The following TP53BP2 variants were observed in gnomAD, a reference collection of about 807,000 sequenced individuals.
The protein encoded by TP53BP2 is apoptosis-stimulating of p53 protein 2.
A neutral mutation model predicts 126.2 loss-of-function variants in TP53BP2; 62 were observed. That is an observed-to-expected ratio of 0.49 (90% confidence interval 0.40 to 0.61). The LOEUF (loss-of-function observed/expected upper bound fraction) is 0.61. TP53BP2 is among the 20% of genes least tolerant of loss of function. The pLI, the probability that TP53BP2 is intolerant of heterozygous loss-of-function variation, is 0.00. For missense variants in TP53BP2, 1,215 were observed against 1,402.8 expected (o/e 0.87, Z 2.14); for synonymous variants, 485 against 502.9 (o/e 0.96, Z 0.48).
intron 11 of TP53BP2, among the ~76,000 whole-genome samples, chr1:223,799,645 C>T (rs1038276834): frequency 5.9e-5 from 9 of 152,168 alleles, no homozygotes; most frequent in African/African-American, 1.7e-4. Flanking sequence ...CAGTGTTCTT[C>T]GATGCACTTA....
rs1558095674 is a variant in TP53BP2, at chr1:223,802,909, A to G, written c.832-14T>C. On this transcript the variant is annotated splice_polypyrimidine_tract_variant and intron_variant, in intron 7 of 17. Transcript: ENST00000343537. The stretch of plus-strand genomic sequence containing the variant: ...TTTGTTTCTTAGCTGAATAAAAGAG[A>G]GGGGAAAAAAGGTAGCCAAGGAGTA... 1.2e-6 allele frequency: 2 copies of G among 1,613,578 alleles called. 1 individual carries two copies. The highest frequency in any genetic ancestry group is 2.2e-5 in the South Asian group (2 of 91,042).
In TP53BP2 at chr1:223,795,993, T is replaced by A. The variant is rs147947440; in HGVS notation, c.2546A>T (p.Asn849Ile). The change falls in exon 13 of 18, where the codon AAT (asparagine) becomes ATT (isoleucine). Residue 849 changes from asparagine to isoleucine, a missense_variant. Coordinates refer to ENST00000343537, the MANE Select transcript of TP53BP2 (RefSeq NM_001031685.3). The stretch of plus-strand genomic sequence containing the variant: ...TGGTTCTTCTGGGTTATTCTGGAGA[T>A]TTGGGCTGTTGTCTGGGACTCCCTC... ...EPEGVPDNSP[N>I]LQNNPEEPNP... The A allele has an allele frequency of 1.3e-4, 208 of 1,613,998 alleles. No homozygotes were observed. Among genetic ancestry groups the A allele is most frequent in the Admixed American group, 5.5e-4 (33 of 60,000 alleles).
intron 17 of TP53BP2, among the ~76,000 whole-genome samples, chr1:223,781,601 A>G (rs371479290): frequency 6.6e-6 from 1 of 152,248 alleles, no homozygotes; most frequent in African/African-American, 2.4e-5. Context: ...AAGAAAGTAG[A>G]AGCATAGGCT....
chr1:223,787,492 A>C (rs1662011161), intron 16 of TP53BP2, among the ~76,000 whole-genome samples: 1 of 152,102 alleles, frequency 6.6e-6, no homozygotes, highest in Non-Finnish European at 1.5e-5. Flanking sequence ...CACACCTGTA[A>C]TCTCAGCTCT....
At chr1:223,845,135 A>G (rs888630456) in intron 1 of TP53BP2, 20 of 575,006 alleles carry the variant, frequency 3.5e-5, no homozygotes, top group Non-Finnish European at 4.0e-5. Context: ...AACTTCCGAG[A>G]TTGCATTTAC....
At chr1:223,802,513 C>T in intron 8 of TP53BP2, 169 bp from the exon 9 acceptor site, 2 of 842,888 alleles carry the variant, frequency 2.4e-6, no homozygotes, top group Non-Finnish European at 3.6e-6. Flanking sequence ...AACTCTCACC[C>T]ACACTTTATT....
Position 223,780,669 on chromosome 1 carries a change from T to A in TP53BP2, c.*184A>T. ...CTGCTGACGTAGATGCTTTATTTCA[T>A]CACGCTAAATGTCCTCTAATGGTGA... On this transcript the variant is annotated 3_prime_UTR_variant, in exon 18 of 18. Transcript: ENST00000343537. The A allele has an allele frequency of 1.6e-6, 1 of 626,182 alleles. No homozygotes were observed. The highest frequency in any genetic ancestry group is 2.7e-6 in the Non-Finnish European group (1 of 365,550). The allele number at this position is 626,182 out of a possible 1,614,324, so 38.8% of individuals were successfully genotyped here.
At chr1:223,785,533 T>C (rs1460138139) in intron 16 of TP53BP2, among the ~76,000 whole-genome samples, 1 of 152,204 alleles carries the variant, frequency 6.6e-6, no homozygotes, top group Non-Finnish European at 1.5e-5. Flanking sequence ...CTGGATATTT[T>C]AGTATACTCA....
At chr1:223,845,295 G>A in intron 1 of TP53BP2, 1 of 979,646 alleles carries the variant, frequency 1.0e-6, no homozygotes, top group Non-Finnish European at 1.2e-6. Flanking sequence ...CAAAGAACAA[G>A]GTCCCCGGTT....
intron 12 of TP53BP2, among the ~76,000 whole-genome samples, chr1:223,797,735 A>G (rs989675632): frequency 2.0e-5 from 3 of 151,864 alleles, no homozygotes; most frequent in African/African-American, 7.2e-5. Flanking sequence ...AGACATATAG[A>G]CACAGACACA....
chr1:223,827,747 T>C (rs895804835), intron 1 of TP53BP2, among the ~76,000 whole-genome samples: 2 of 152,218 alleles, frequency 1.3e-5, no homozygotes, highest in African/African-American at 4.8e-5. Flanking sequence ...AGGTTATTTT[T>C]TTCCAATATG....
At chr1:223,817,297 G>C (rs1481282200) in intron 2 of TP53BP2, among the ~76,000 whole-genome samples, 9 of 29,180 alleles carry the variant, frequency 3.1e-4, no homozygotes, top group African/African-American at 9.2e-4. Context: ...GAAAGGAGGA[G>C]GGGGAGGGAA....
intron 1 of TP53BP2, among the ~76,000 whole-genome samples, chr1:223,831,973 A>G (rs1663748900): frequency 6.6e-6 from 1 of 152,158 alleles, no homozygotes. Context: ...ATGTTATGCT[A>G]TCAACATAAG....
intron 9 of TP53BP2, among the ~76,000 whole-genome samples, chr1:223,801,776 T>C (rs1662533414): frequency 6.6e-6 from 1 of 152,204 alleles, no homozygotes; most frequent in Non-Finnish European, 1.5e-5. Context: ...CAAACACATA[T>C]GTTTTTACCC....
At chr1:223,828,926 T>C (rs181521365) in intron 1 of TP53BP2, among the ~76,000 whole-genome samples, 23 of 152,198 alleles carry the variant, frequency 1.5e-4, no homozygotes, top group Admixed American at 1.0e-3. Context: ...CTTGTGAATA[T>C]ACTAAAAACC....
At chr1:223,821,960 C>T (rs1001490019) in intron 1 of TP53BP2, among the ~76,000 whole-genome samples, 12 of 151,596 alleles carry the variant, frequency 7.9e-5, no homozygotes, top group Admixed American at 2.0e-4. Flanking sequence ...GGCATGATCT[C>T]GGCTCACTGC....
rs1427557397 is a variant in TP53BP2 at position 223,780,204 on chromosome 1, A to T, written c.*649T>A. On this transcript the variant is annotated 3_prime_UTR_variant, in exon 18 of 18. Transcript: ENST00000343537. Reference sequence around the variant, plus strand: ...GAGATACAAAAGACAATAAATACAGATTAAAATTCAGCCTACAAACAAGAT... The same window carrying T: ...GAGATACAAAAGACAATAAATACAGTTTAAAATTCAGCCTACAAACAAGAT... 6.6e-6 allele frequency: 1 copy of T among 152,248 alleles called. No homozygotes were observed. Among genetic ancestry groups the T allele is most frequent in the Non-Finnish European group, 1.5e-5 (1 of 68,042 alleles). 9.4% of individuals were successfully genotyped at this position (152,248 alleles called of 1,614,324 possible). A position where few individuals can be genotyped will look rare whatever the true frequency, so the allele number is the denominator to read the frequency against.
At chr1:223,845,603 C>T in intron 1 of TP53BP2, 51 bp downstream of exon 1, 2 of 1,518,060 alleles carry the variant, frequency 1.3e-6, no homozygotes, top group Non-Finnish European at 1.8e-6. Flanking sequence ...GCCCCCGGCA[C>T]GCGACCCCGC....
chr1:223,843,038 G>A (rs542958473), intron 1 of TP53BP2, among the ~76,000 whole-genome samples: 20 of 152,250 alleles, frequency 1.3e-4, no homozygotes, highest in South Asian at 6.2e-4. Flanking sequence ...TGCAGAGCTT[G>A]CTACTTATTT....
Sources: gnomAD v4.1 joint callset for allele counts (sites outside exome capture counted in the v4.1 genomes callset) on GRCh38, gnomAD v4.1.1 for gene constraint, MANE v1.5 for transcripts, NCBI Gene and HGNC (gene_info 2026-07-23, HGNC 2026-07-21) for gene names.